Variants in PDE4D observed in about 807,000 individuals in gnomAD.
PDE4D encodes 3',5'-cyclic-AMP phosphodiesterase 4D.
PDE4D carries 24 observed loss-of-function variants against 87.4 expected under a neutral mutation model. The ratio of observed to expected loss-of-function variants is 0.27; its 90% CI spans 0.20 to 0.39. The LOEUF (loss-of-function observed/expected upper bound fraction) is 0.39, where lower values mean the gene tolerates loss of function less well. Among genes scored for constraint, PDE4D ranks in the 10% least tolerant of loss-of-function variants. The pLI, the probability that PDE4D is intolerant of heterozygous loss-of-function variation, is 1.00. For synonymous variants in PDE4D, 384 were observed against 383.2 expected, an observed-to-expected ratio of 1.00 and a Z score of -0.02; for missense variants, 714 against 1,041.0, an observed-to-expected ratio of 0.69 and a Z score of 4.32.
chr5:60,261,233 C>T (rs1043377104), intron 1 of PDE4D, among the ~76,000 whole-genome samples: 3 of 152,044 alleles, frequency 2.0e-5, no homozygotes, highest in Admixed American at 6.6e-5. Context: ...TAGAAACAAC[C>T]TTGAATGTTT....
intron 1 of PDE4D, among the ~76,000 whole-genome samples, chr5:60,456,407 C>A (rs1240913124): frequency 2.6e-5 from 4 of 152,298 alleles, no homozygotes; most frequent in South Asian, 2.1e-4. Flanking sequence ...CTGGGTTAGC[C>A]AGGAAATCTA....
chr5:59,757,661 G>A (rs1458358829), intron 1 of PDE4D, among the ~76,000 whole-genome samples: 2 of 152,138 alleles, frequency 1.3e-5, no homozygotes, highest in Non-Finnish European at 2.9e-5. Context: ...ACTTGAACTA[G>A]CCGGCCATCA....
chr5:59,800,209 T>G (rs1766955647), intron 1 of PDE4D, among the ~76,000 whole-genome samples: 1 of 152,010 alleles, frequency 6.6e-6, no homozygotes, highest in South Asian at 2.1e-4. Flanking sequence ...AAATGTTTCC[T>G]ATTAGAATCA....
chr5:59,624,957 C>T (rs1384649549), intron 1 of PDE4D, among the ~76,000 whole-genome samples: 1 of 152,128 alleles, frequency 6.6e-6, no homozygotes, highest in Non-Finnish European at 1.5e-5. Context: ...ATAGGAATTC[C>T]ACATCTTGGC....
chr5:59,209,510 A>G (rs771888254), intron 2 of PDE4D, among the ~76,000 whole-genome samples: 2 of 152,188 alleles, frequency 1.3e-5, no homozygotes, highest in Non-Finnish European at 2.9e-5. Context: ...TTCTTCAGAT[A>G]TGAATAAACA....
chr5:59,253,463 C>G (rs115855261), intron 1 of PDE4D, among the ~76,000 whole-genome samples: 1 of 152,088 alleles, frequency 6.6e-6, no homozygotes, highest in Non-Finnish European at 1.5e-5. Context: ...ACTTCCATTA[C>G]TCAAACTCCC....
chr5:59,723,692 G>A (rs1370836843), intron 1 of PDE4D, among the ~76,000 whole-genome samples: 1 of 152,024 alleles, frequency 6.6e-6, no homozygotes, highest in Non-Finnish European at 1.5e-5. Flanking sequence ...ATACCCATAT[G>A]GGTTTTCACA....
At chr5:60,412,282 A>G (rs1208770422) in intron 1 of PDE4D, among the ~76,000 whole-genome samples, 1 of 152,202 alleles carries the variant, frequency 6.6e-6, no homozygotes, top group East Asian at 1.9e-4. Context: ...ACTGAGACCA[A>G]TAATTTTGTT....
intron 1 of PDE4D, among the ~76,000 whole-genome samples, chr5:59,694,203 T>C (rs928879520): frequency 1.3e-5 from 2 of 152,222 alleles, no homozygotes; most frequent in Non-Finnish European, 2.9e-5. Flanking sequence ...TATTATTTTA[T>C]TGAAATTCTA....
At chr5:60,440,738 T>C (rs185429054) in intron 1 of PDE4D, among the ~76,000 whole-genome samples, 25 of 152,238 alleles carry the variant, frequency 1.6e-4, no homozygotes, top group African/African-American at 5.1e-4. Context: ...CTAATAATAA[T>C]AGCATAAATT....
At chr5:59,968,594 A>G (rs540958541) in intron 3 of PDE4D, among the ~76,000 whole-genome samples, 15 of 152,334 alleles carry the variant, frequency 9.8e-5, no homozygotes, top group African/African-American at 3.6e-4. Context: ...AAAAATATAT[A>G]AAGCTAGAAC....
intron 3 of PDE4D, among the ~76,000 whole-genome samples, chr5:59,970,019 T>A (rs939727937): frequency 1.3e-5 from 2 of 152,218 alleles, no homozygotes; most frequent in African/African-American, 2.4e-5. Context: ...CAAGGACACC[T>A]GTAACAAAAG....
At chr5:60,048,336 C>G (rs1468579626) in intron 2 of PDE4D, among the ~76,000 whole-genome samples, 1 of 152,160 alleles carries the variant, frequency 6.6e-6, no homozygotes, top group African/African-American at 2.4e-5. Flanking sequence ...CAGTCTGTGT[C>G]TTTTAATTGG....
At chr5:60,500,784 G>A (rs1750033409) in intron 1 of PDE4D, among the ~76,000 whole-genome samples, 1 of 152,158 alleles carries the variant, frequency 6.6e-6, no homozygotes, top group South Asian at 2.1e-4. Context: ...CAGAGTTGAT[G>A]AGACTTAAAG....
intron 2 of PDE4D, among the ~76,000 whole-genome samples, chr5:60,071,262 TC>T (rs1772687872): frequency 6.6e-6 from 1 of 152,142 alleles, no homozygotes; most frequent in African/African-American, 2.4e-5. Flanking sequence ...TTGTTCTACT[TC>T]CTTGAGATGT....
chr5:59,380,453 ATG>A (rs1304226087), intron 1 of PDE4D, among the ~76,000 whole-genome samples: 5 of 127,682 alleles, frequency 3.9e-5, no homozygotes, highest in Admixed American at 8.3e-5. Context: ...GAAGAAAGAC[ATG>A]TGGCTATTAT....
At chr5:60,329,930 A>G (rs1347139119) in intron 1 of PDE4D, among the ~76,000 whole-genome samples, 1 of 152,262 alleles carries the variant, frequency 6.6e-6, no homozygotes, top group East Asian at 1.9e-4. Flanking sequence ...ATGGTGAGAA[A>G]CAACCTGTGA....
chr5:59,939,691 G>T (rs1193327509), intron 3 of PDE4D, among the ~76,000 whole-genome samples: 8 of 152,092 alleles, frequency 5.3e-5, no homozygotes, highest in Non-Finnish European at 1.0e-4. Context: ...GATGCAGCAG[G>T]TCTGCATGTT....
At chr5:60,077,154 G>C (rs1318996128) in intron 2 of PDE4D, among the ~76,000 whole-genome samples, 4 of 152,332 alleles carry the variant, frequency 2.6e-5, no homozygotes, top group African/African-American at 9.6e-5. Flanking sequence ...GGCAAAGGCA[G>C]GGCTGGTGGG....
Sources: gnomAD v4.1 joint callset for allele counts (sites outside exome capture counted in the v4.1 genomes callset) on GRCh38, gnomAD v4.1.1 for gene constraint, MANE v1.5 for transcripts, NCBI Gene and HGNC (gene_info 2026-07-23, HGNC 2026-07-21) for gene names.